SMARCA2: variants seen among roughly 807,000 people sequenced by gnomAD.
SMARCA2 encodes SWI/SNF related BAF chromatin remodeling complex subunit ATPase 2, also known as SWI/SNF-related matrix-associated actin-dependent regulator of chromatin subfamily A member 2.
In SMARCA2, 61 loss-of-function variants were observed where a neutral mutation model predicts 199.8. The observed-to-expected ratio is 0.31, with a 90% confidence interval of 0.25 to 0.38. SMARCA2 has a LOEUF of 0.38. Ranked by LOEUF, SMARCA2 falls within the 10% of genes least tolerant of loss-of-function variation. SMARCA2 has a pLI of 1.00. For synonymous variants in SMARCA2, 935 were observed against 732.0 expected (o/e 1.28, Z -4.48); for missense variants, 1,344 against 2,012.2 (o/e 0.67, Z 6.35).
chr9:2,166,311 T>C (rs1825928205), intron 28 of SMARCA2, among the ~76,000 whole-genome samples: 1 of 152,154 alleles, frequency 6.6e-6, no homozygotes, highest in Admixed American at 6.5e-5. Flanking sequence ...AGCTTCCTTA[T>C]TCTGGACACC....
chr9:2,067,898 T>C (rs1330660442), intron 9 of SMARCA2, among the ~76,000 whole-genome samples: 3 of 152,238 alleles, frequency 2.0e-5, no homozygotes, highest in Non-Finnish European at 4.4e-5. Flanking sequence ...AAAGTATCCT[T>C]CAGAATAGTT....
intron 15 of SMARCA2, among the ~76,000 whole-genome samples, chr9:2,082,795 A>G (rs988440871): frequency 3.3e-5 from 5 of 152,202 alleles, no homozygotes; most frequent in African/African-American, 1.2e-4. Flanking sequence ...GACTATTTGC[A>G]GCCCTTTTTG....
At chr9:2,073,533 AG>A in intron 11 of SMARCA2, 32 bp from the exon 12 acceptor site, 1 of 1,579,214 alleles carries the variant, frequency 6.3e-7, no homozygotes, top group Non-Finnish European at 8.7e-7. Context: ...TAAAAAACTA[AG>A]CCCCCTCCTC....
chr9:2,018,905 A>G (rs887012666), intron 1 of SMARCA2, among the ~76,000 whole-genome samples: 1 of 152,236 alleles, frequency 6.6e-6, no homozygotes, highest in African/African-American at 2.4e-5. Flanking sequence ...GGCTACCTCT[A>G]GCACACTGGT....
intron 27 of SMARCA2, among the ~76,000 whole-genome samples, chr9:2,149,058 T>A (rs1382906211): frequency 6.6e-6 from 1 of 151,490 alleles, no homozygotes; most frequent in African/African-American, 2.4e-5. Context: ...CTGCCTGTAT[T>A]AGTCTGTTTT....
rs1400183630 is a variant in SMARCA2, at chr9:2,016,679, G to A, written c.-37+1275G>A. ...GGGCTGCGGTGGGGAGGGAATAGGG[G>A]GGTGGCGAGGGCGGGAGGCGGGGAG... On this transcript the variant is annotated intron_variant, in intron 1 of 33. Transcript: ENST00000349721. The surrounding 1 kb of genome is among the most constrained non-coding windows in gnomAD (Gnocchi z 5.6). 1.3e-5 allele frequency among the ~76,000 whole-genome samples: 2 copies of A among 151,860 alleles called. No individual in the cohort carries two copies. The highest frequency in any genetic ancestry group is 2.1e-4 in the South Asian group (1 of 4,814).
At chr9:2,178,195 GA>G (rs1826759006) in intron 29 of SMARCA2, among the ~76,000 whole-genome samples, 1 of 152,142 alleles carries the variant, frequency 6.6e-6, no homozygotes, top group Non-Finnish European at 1.5e-5. Flanking sequence ...CTTCCATGAA[GA>G]GGAGAGGTTC....
intron 29 of SMARCA2, among the ~76,000 whole-genome samples, chr9:2,180,044 T>C (rs541668875): frequency 4.0e-4 from 61 of 152,310 alleles, no homozygotes; most frequent in African/African-American, 1.4e-3. Flanking sequence ...TCATATACTA[T>C]GTGGCATAAG....
At chr9:2,106,420 C>T (rs1162945782) in intron 23 of SMARCA2, among the ~76,000 whole-genome samples, 6 of 152,152 alleles carry the variant, frequency 3.9e-5, no homozygotes. Context: ...AGAGTCCTTA[C>T]CATTAGGTGG....
chr9:2,164,699 A>ATGTCT (rs1825854838), intron 28 of SMARCA2, among the ~76,000 whole-genome samples: 2 of 152,202 alleles, frequency 1.3e-5, no homozygotes, highest in African/African-American at 4.8e-5. Flanking sequence ...TTTATTGAGT[A>ATGTCT]TGTCTTTAGT....
At chr9:2,093,065 C>T (rs1822129522) in intron 19 of SMARCA2, among the ~76,000 whole-genome samples, 1 of 152,128 alleles carries the variant, frequency 6.6e-6, no homozygotes, top group Non-Finnish European at 1.5e-5. Flanking sequence ...GCACTCAGGC[C>T]AGGTGGGAGG....
chr9:2,083,583 A>G lies in SMARCA2; in HGVS notation c.2415+170A>G, dbSNP rs183002109. Among the ~76,000 whole-genome samples, 492 of 152,396 alleles carry G rather than the reference A, an allele frequency of 3.2e-3. 3 individuals carry two copies. Among genetic ancestry groups the G allele is most frequent in the South Asian group, 0.028 (135 of 4,834 alleles). On this transcript the variant is annotated intron_variant, in intron 16 of 33. Coordinates refer to ENST00000349721, the MANE Select transcript of SMARCA2 (RefSeq NM_003070.5). Reference sequence around the variant, plus strand: ...CCCAAGAAGATTACTGTAATAAACCATAATTACTTTCAGATAGTGAAATCC... The same window carrying G: ...CCCAAGAAGATTACTGTAATAAACCGTAATTACTTTCAGATAGTGAAATCC...
intron 3 of SMARCA2, among the ~76,000 whole-genome samples, chr9:2,035,600 G>T (rs1819295240): frequency 6.6e-6 from 1 of 152,100 alleles, no homozygotes; most frequent in African/African-American, 2.4e-5. Context: ...CAACACTTAG[G>T]ATGATATCTA....
At chr9:2,084,753 T>C (rs1470303747) in intron 17 of SMARCA2, among the ~76,000 whole-genome samples, 1 of 152,148 alleles carries the variant, frequency 6.6e-6, no homozygotes, top group Non-Finnish European at 1.5e-5. Flanking sequence ...CTTAAGGTTG[T>C]TTCTGTGACT....
chr9:2,022,242 T>A (rs1243093214), intron 1 of SMARCA2: 1 of 151,964 alleles, frequency 6.6e-6, no homozygotes, highest in East Asian at 1.9e-4. Flanking sequence ...AAGTCCAGAG[T>A]GGGAATTGAA....
At chr9:2,027,757 C>G (rs1487748850) in intron 1 of SMARCA2, 1 of 152,230 alleles carries the variant, frequency 6.6e-6, no homozygotes, top group African/African-American at 2.4e-5. Flanking sequence ...CTCATTCCAT[C>G]TCTGCCACTA....
At chr9:2,116,080 C>G (rs891546568) in intron 25 of SMARCA2, 31 bp downstream of exon 25, 1 of 1,489,872 alleles carries the variant, frequency 6.7e-7, no homozygotes, top group Non-Finnish European at 9.3e-7. Context: ...TTTATGAAAT[C>G]AAACAGTGGC....
chr9:2,046,151 C>T (rs1276861957), intron 4 of SMARCA2: 1 of 152,118 alleles, frequency 6.6e-6, no homozygotes, highest in Non-Finnish European at 1.5e-5. Flanking sequence ...TGGACTTTAA[C>T]ATCTGCTTAC....
At chr9:2,164,909 C>T (rs1825864177) in intron 28 of SMARCA2, among the ~76,000 whole-genome samples, 1 of 152,140 alleles carries the variant, frequency 6.6e-6, no homozygotes, top group African/African-American at 2.4e-5. Context: ...GTTTCATATA[C>T]ATTTCATGTT....
Sources: allele counts gnomAD v4.1 joint callset (sites outside exome capture counted in the v4.1 genomes callset), GRCh38; gene constraint gnomAD v4.1.1; non-coding constraint Gnocchi (gnomAD v3.1); transcripts MANE v1.5; gene names NCBI Gene and HGNC (gene_info 2026-07-23, HGNC 2026-07-21).